Variants in SEC22A observed in about 807,000 individuals in gnomAD.
The protein encoded by SEC22A is SEC22 homolog A, vesicle trafficking protein, also known as vesicle-trafficking protein SEC22a.
In SEC22A, 22 loss-of-function variants were observed where a neutral mutation model predicts 35.3. The observed-to-expected ratio is 0.62, with a 90% confidence interval of 0.45 to 0.89. The LOEUF is 0.89. SEC22A is among the 40% of genes least tolerant of loss of function. The pLI is 0.00. For synonymous variants in SEC22A, 119 were observed against 129.5 expected (o/e 0.92, Z 0.55); for missense variants, 354 against 362.5 (o/e 0.98, Z 0.19).
intron 2 of SEC22A, 58 bp downstream of exon 2, chr3:123,209,457 A>G (rs1936902263): frequency 7.1e-7 from 1 of 1,417,888 alleles, no homozygotes; most frequent in African/African-American, 1.4e-5. Context: ...ATTTTAATGA[A>G]GTTTAAGTGG....
chr3:123,221,104 T>C (rs1174345847), intron 2 of SEC22A, among the ~76,000 whole-genome samples: 1 of 151,802 alleles, frequency 6.6e-6, no homozygotes, highest in Non-Finnish European at 1.5e-5. Flanking sequence ...TAAACATTAA[T>C]AAATTCTGCT....
At chr3:123,249,024 C>T (rs1937589033) in intron 5 of SEC22A, among the ~76,000 whole-genome samples, 2 of 152,188 alleles carry the variant, frequency 1.3e-5, no homozygotes, top group Admixed American at 1.3e-4. Context: ...ATTGGAAGTT[C>T]CCACAACCCC....
intron 6 of SEC22A, among the ~76,000 whole-genome samples, chr3:123,267,255 T>C (rs1235324908): frequency 6.6e-6 from 1 of 151,944 alleles, no homozygotes; most frequent in Non-Finnish European, 1.5e-5. Flanking sequence ...AATGTAATTA[T>C]GGATATGTTA....
intron 5 of SEC22A, among the ~76,000 whole-genome samples, chr3:123,248,568 C>G (rs545927192): frequency 1.3e-5 from 2 of 152,110 alleles, no homozygotes; most frequent in African/African-American, 4.8e-5. Flanking sequence ...AAACTCTGAT[C>G]AAATAAATCA....
intron 1 of SEC22A, among the ~76,000 whole-genome samples, chr3:123,203,516 TTAG>T (rs1936794224): frequency 6.6e-6 from 1 of 152,196 alleles, no homozygotes; most frequent in South Asian, 2.1e-4. Flanking sequence ...ATAGATGCTA[TTAG>T]TAGCCACAAT....
chr3:123,235,788 G>T (rs564402228), intron 4 of SEC22A, among the ~76,000 whole-genome samples: 320 of 152,278 alleles, frequency 2.1e-3, no homozygotes, highest in Non-Finnish European at 3.4e-3. Flanking sequence ...AAAAAGTGTA[G>T]ACACCCAACT....
chr3:123,220,867 CAT>C (rs563341393), intron 2 of SEC22A, among the ~76,000 whole-genome samples: 2 of 97,526 alleles, frequency 2.1e-5, no homozygotes, highest in Admixed American at 9.6e-5. Context: ...AAAAAGGTCT[CAT>C]ATATATATAT....
chr3:123,250,611 C>A (rs1937604395), intron 5 of SEC22A, among the ~76,000 whole-genome samples: 1 of 152,122 alleles, frequency 6.6e-6, no homozygotes, highest in African/African-American at 2.4e-5. Context: ...ACACACAGGC[C>A]AGGTGAGGAT....
chr3:123,225,834 T>G (rs1937210293), intron 4 of SEC22A, among the ~76,000 whole-genome samples: 1 of 152,158 alleles, frequency 6.6e-6, no homozygotes, highest in African/African-American at 2.4e-5. Context: ...CCATCACCCT[T>G]TCTCCCACCC....
intron 4 of SEC22A, among the ~76,000 whole-genome samples, chr3:123,241,339 A>G (rs1265811661): frequency 6.6e-6 from 1 of 152,188 alleles, no homozygotes; most frequent in African/African-American, 2.4e-5. Context: ...CCAGACTGTT[A>G]GTCTCATTCA....
At position 123,202,189 on chromosome 3, in the gene SEC22A, G is replaced by C. The variant is rs185532361; in HGVS notation, c.-20+203G>C. 2.1e-3 allele frequency: 321 copies of C among 152,936 alleles called. 2 individuals carry two copies. The highest frequency in any genetic ancestry group is 3.6e-3 in the Non-Finnish European group (246 of 68,190). 9.5% of individuals were successfully genotyped at this position (152,936 alleles called of 1,614,324 possible). A position where few individuals can be genotyped will look rare whatever the true frequency, so the allele number is the denominator to read the frequency against. On this transcript the variant is annotated intron_variant, in intron 1 of 6. Transcript: ENST00000492595. ...CGCGGAGCTCTGGAGGGACGGGCAAGCGGGGACCCCGTCCCCTTCGACTTG... is the reference window on the plus strand; with the variant it reads ...CGCGGAGCTCTGGAGGGACGGGCAACCGGGGACCCCGTCCCCTTCGACTTG...
chr3:123,221,363 C>G (rs1164363535), intron 2 of SEC22A, among the ~76,000 whole-genome samples: 1 of 147,926 alleles, frequency 6.8e-6, no homozygotes, highest in Non-Finnish European at 1.5e-5. Flanking sequence ...CCCAGCTACT[C>G]AGGAGGCTGA....
At chr3:123,262,159 G>C (rs1231862870) in intron 6 of SEC22A, among the ~76,000 whole-genome samples, 1 of 152,030 alleles carries the variant, frequency 6.6e-6, no homozygotes, top group Non-Finnish European at 1.5e-5. Flanking sequence ...ATCCTCTTTA[G>C]ATCAGATCTG....
chr3:123,259,899 G>A (rs986319334), intron 6 of SEC22A, among the ~76,000 whole-genome samples: 5 of 152,074 alleles, frequency 3.3e-5, no homozygotes, highest in South Asian at 2.1e-4. Flanking sequence ...TTAGGAGGCC[G>A]AGGTGGGCAG....
intron 4 of SEC22A, among the ~76,000 whole-genome samples, chr3:123,226,803 G>A (rs1937224603): frequency 6.6e-6 from 1 of 152,160 alleles, no homozygotes; most frequent in African/African-American, 2.4e-5. Context: ...CCAATGTCCT[G>A]GAGAGTTTCC....
intron 2 of SEC22A, among the ~76,000 whole-genome samples, chr3:123,219,200 A>G (rs1937081942): frequency 1.3e-5 from 2 of 152,066 alleles, no homozygotes; most frequent in African/African-American, 4.8e-5. Flanking sequence ...ATCCTTGGGG[A>G]TCTGAAATAA....
chr3:123,244,127 AT>A (rs1431066378), intron 4 of SEC22A, among the ~76,000 whole-genome samples: 5 of 152,152 alleles, frequency 3.3e-5, no homozygotes, highest in South Asian at 2.1e-4. Flanking sequence ...AGTAAAAAAA[AT>A]AACAAATAGT....
rs779433710 is a variant in SEC22A at position 123,203,053 on chromosome 3, C to CTTTTTTTTT, written c.-20+1093_-20+1101dup. 6.4e-4 allele frequency among the ~76,000 whole-genome samples: 28 copies of CTTTTTTTTT among 43,832 alleles called. 5 individuals are homozygous for CTTTTTTTTT. The highest frequency in any genetic ancestry group is 1.4e-3 in the African/African-American group (13 of 9,424). 28.8% of individuals were successfully genotyped at this position (43,832 alleles called of 152,430 possible). A position where few individuals can be genotyped will look rare whatever the true frequency, so the allele number is the denominator to read the frequency against. Reference sequence around the variant, plus strand: ...GAAAACCATCACATCTGTTTAGTGCCTTTTTTTTTTTTTTTTTTTTTTTTT... The same window carrying CTTTTTTTTT: ...GAAAACCATCACATCTGTTTAGTGCCTTTTTTTTTTTTTTTTTTTTTTTTTTTTTTTTTT... On this transcript the variant is annotated intron_variant, in intron 1 of 6. Transcript: ENST00000492595.
intron 6 of SEC22A, among the ~76,000 whole-genome samples, chr3:123,268,073 T>C (rs895987705): frequency 1.3e-5 from 2 of 152,230 alleles, no homozygotes; most frequent in African/African-American, 4.8e-5. Flanking sequence ...AAGTCCTGGC[T>C]TCTACTTGCC....
Sources: gnomAD v4.1 joint callset for allele counts (sites outside exome capture counted in the v4.1 genomes callset) on GRCh38, gnomAD v4.1.1 for gene constraint, MANE v1.5 for transcripts, NCBI Gene and HGNC (gene_info 2026-07-23, HGNC 2026-07-21) for gene names.